The following CAMTA1 variants were observed in gnomAD, a reference collection of about 807,000 sequenced individuals.
The protein encoded by CAMTA1 is calmodulin-binding transcription activator 1.
A neutral mutation model predicts 170.9 loss-of-function variants in CAMTA1; 27 were observed. That is an observed-to-expected ratio of 0.16 (90% CI 0.12 to 0.22). The LOEUF is 0.22. Among genes scored for constraint, CAMTA1 ranks in the 10% least tolerant of loss-of-function variants. CAMTA1 has a pLI of 1.00. For missense variants in CAMTA1, 1,619 were observed against 2,217.2 expected (o/e 0.73, Z 5.42); for synonymous variants, 833 against 891.5 (o/e 0.93, Z 1.17).
chr1:7,369,010 C>G (rs1010777585), intron 5 of CAMTA1: 1 of 152,322 alleles, frequency 6.6e-6, no homozygotes, highest in African/African-American at 2.4e-5. Context: ...TGACATGTTG[C>G]CCAAGACTAG....
chr1:7,468,324 C>G (rs1290421961), intron 6 of CAMTA1, among the ~76,000 whole-genome samples: 1 of 152,224 alleles, frequency 6.6e-6, no homozygotes, highest in African/African-American at 2.4e-5. Context: ...CCAGGCACAG[C>G]TGGATTGATT....
At chr1:7,220,170 G>T (rs1399916113) in intron 4 of CAMTA1, among the ~76,000 whole-genome samples, 1 of 152,194 alleles carries the variant, frequency 6.6e-6, no homozygotes, top group Admixed American at 6.5e-5. Flanking sequence ...TCAGCGCTGC[G>T]TGGCTTAGGG....
Position 7,634,432 on chromosome 1 carries a change from T to C in CAMTA1, c.511-5968T>C, listed in dbSNP as rs144251083. Among the ~76,000 whole-genome samples, 2 of 151,746 alleles carry C rather than the reference T, an allele frequency of 1.3e-5. No individual in the cohort carries two copies. Among genetic ancestry groups the C allele is most frequent in the Non-Finnish European group, 1.5e-5 (1 of 67,906 alleles). On this transcript the variant is annotated intron_variant, in intron 6 of 22. Transcript: ENST00000303635. This position sits in a 1 kb window ranked among gnomAD's most constrained non-coding sequence, Gnocchi z 6.2. Reference sequence around the variant, plus strand: ...AGGCGAGGTCGGCCATGGGAAGTCATGGGGATTTTGAGGCCTTCGAGGGGT... The same window carrying C: ...AGGCGAGGTCGGCCATGGGAAGTCACGGGGATTTTGAGGCCTTCGAGGGGT...
intron 3 of CAMTA1, among the ~76,000 whole-genome samples, chr1:6,905,208 T>C (rs1435364402): frequency 6.6e-6 from 1 of 150,560 alleles, no homozygotes; most frequent in Non-Finnish European, 1.5e-5. Flanking sequence ...TTTTTTTTTT[T>C]TTGAGACGGT....
chr1:7,233,187 T>G (rs1191319788), intron 4 of CAMTA1, among the ~76,000 whole-genome samples: 1 of 152,222 alleles, frequency 6.6e-6, no homozygotes, highest in African/African-American at 2.4e-5. Context: ...TAATTTTCTC[T>G]CAGATTTACA....
intron 3 of CAMTA1, among the ~76,000 whole-genome samples, chr1:6,909,113 ACTC>A (rs1427383199): frequency 6.6e-5 from 10 of 152,156 alleles, no homozygotes; most frequent in Non-Finnish European, 1.5e-4. Context: ...GTTCTCTTCT[ACTC>A]CTCAAGAAAA....
intron 3 of CAMTA1, among the ~76,000 whole-genome samples, chr1:6,879,607 T>C (rs1001675456): frequency 2.2e-5 from 3 of 133,926 alleles, no homozygotes; most frequent in African/African-American, 7.7e-5. Context: ...CTTCTTTTCC[T>C]TTTTTCTTTT....
chr1:7,619,488 C>G (rs780673367), intron 6 of CAMTA1, among the ~76,000 whole-genome samples: 1 of 152,110 alleles, frequency 6.6e-6, no homozygotes, highest in Non-Finnish European at 1.5e-5. Flanking sequence ...AAAACCCTCT[C>G]CTGGAAACCT....
intron 3 of CAMTA1, among the ~76,000 whole-genome samples, chr1:6,856,888 C>T (rs1662616974): frequency 6.6e-6 from 1 of 151,990 alleles, no homozygotes. Context: ...ATGGGAAGAG[C>T]TCGGCATGTC....
chr1:7,009,345 G>T (rs970175674), intron 3 of CAMTA1, among the ~76,000 whole-genome samples: 1 of 152,174 alleles, frequency 6.6e-6, no homozygotes, highest in Non-Finnish European at 1.5e-5. Context: ...GGCATCGTGG[G>T]TGGGAAGGCA....
chr1:7,252,101 G>A (rs1323362783), intron 5 of CAMTA1, among the ~76,000 whole-genome samples: 1 of 152,068 alleles, frequency 6.6e-6, no homozygotes, highest in Non-Finnish European at 1.5e-5. Flanking sequence ...TTCAATAAGT[G>A]TTCTTATACA....
chr1:7,223,338 G>A (rs960744315), intron 4 of CAMTA1, among the ~76,000 whole-genome samples: 4 of 152,150 alleles, frequency 2.6e-5, no homozygotes, highest in Admixed American at 6.6e-5. Context: ...GTGTGAGTAT[G>A]TGTATGTGTG....
chr1:7,426,068 A>G lies in CAMTA1; in HGVS notation c.439-41762A>G, dbSNP rs1484758011. Among the ~76,000 whole-genome samples the G allele has an allele frequency of 6.6e-6, 1 of 152,184 alleles. No homozygotes were observed. The highest frequency in any genetic ancestry group is 2.4e-5 in the African/African-American group (1 of 41,430). On this transcript the variant is annotated intron_variant, in intron 5 of 22. Transcript: ENST00000303635. The surrounding 1 kb of genome is among the most constrained non-coding windows in gnomAD (Gnocchi z 4.8). ...GCGGTCCTGGAAAAGGTGGCAGGGT[A>G]GGGGCCTCCTGGCATCTGCAGGGCT...
At position 7,299,289 on chromosome 1, in the gene CAMTA1, A is replaced by T. The variant is rs1281726158; in HGVS notation, c.438+49663A>T. On this transcript the variant is annotated intron_variant, in intron 5 of 22. Coordinates refer to ENST00000303635, the MANE Select transcript of CAMTA1 (RefSeq NM_015215.4). This position sits in a 1 kb window ranked among gnomAD's most constrained non-coding sequence, Gnocchi z 4.7. Reference sequence around the variant, plus strand: ...TCTTTATATGAAACATACTTTGTACATCTAAAAATGTTGTTGAAATCATCT... The same window carrying T: ...TCTTTATATGAAACATACTTTGTACTTCTAAAAATGTTGTTGAAATCATCT... Among the ~76,000 whole-genome samples, 1 of 152,234 alleles carries T rather than the reference A, an allele frequency of 6.6e-6. No individual in the cohort carries two copies. The highest frequency in any genetic ancestry group is 1.5e-5 in the Non-Finnish European group (1 of 68,042).
chr1:7,102,023 A>AACACACACAC (rs57209159), intron 4 of CAMTA1, among the ~76,000 whole-genome samples: 30 of 148,808 alleles, frequency 2.0e-4, no homozygotes, highest in East Asian at 6.2e-4. Flanking sequence ...ATAAATACAC[A>AACACACACAC]ACACACACAC....
At chr1:7,715,212 G>A (rs79555436) in intron 11 of CAMTA1, among the ~76,000 whole-genome samples, 1 of 152,140 alleles carries the variant, frequency 6.6e-6, no homozygotes, top group Admixed American at 6.5e-5. Context: ...TCAGGAAAAG[G>A]GGGGAAGAGC....
chr1:7,203,846 T>C (rs1022273414), intron 4 of CAMTA1, among the ~76,000 whole-genome samples: 3 of 151,474 alleles, frequency 2.0e-5, no homozygotes, highest in African/African-American at 7.3e-5. Flanking sequence ...TTTTTTTTTT[T>C]TTCGAGACGG....
intron 6 of CAMTA1, among the ~76,000 whole-genome samples, chr1:7,477,842 C>T (rs2093446746): frequency 6.6e-6 from 1 of 152,174 alleles, no homozygotes; most frequent in African/African-American, 2.4e-5. Flanking sequence ...ACCCTCTGCT[C>T]CCGCCGTGTG....
chr1:7,622,959 C>T (rs1450989386), intron 6 of CAMTA1, among the ~76,000 whole-genome samples: 1 of 152,232 alleles, frequency 6.6e-6, no homozygotes, highest in Non-Finnish European at 1.5e-5. Flanking sequence ...GTCTTCGTCC[C>T]TATTCCCTGT....
Sources: allele counts gnomAD v4.1 joint callset (sites outside exome capture counted in the v4.1 genomes callset), GRCh38; gene constraint gnomAD v4.1.1; non-coding constraint Gnocchi (gnomAD v3.1); transcripts MANE v1.5; gene names NCBI Gene and HGNC (gene_info 2026-07-23, HGNC 2026-07-21).